MEPE: variants seen among roughly 807,000 people sequenced by gnomAD.
MEPE encodes the protein matrix, extracellular phosphoglycoprotein with ASARM motif (bone).
Under a neutral mutation model 7.3 loss-of-function variants are expected in MEPE, and 7 were observed. That is an observed-to-expected ratio of 0.95 (90% CI 0.54 to 1.79). The LOEUF is 1.79. MEPE is among the 40% of genes most tolerant of loss of function. The pLI is 0.00. For missense variants in MEPE, 623 were observed against 628.2 expected, an observed-to-expected ratio of 0.99 and a Z score of 0.09; for synonymous variants, 214 against 213.1, an observed-to-expected ratio of 1.00 and a Z score of -0.04.
In MEPE at chr4:87,845,133, T is replaced by A; in HGVS notation, c.265T>A (p.Tyr89Asn). Reference sequence around the variant, plus strand: ...TAAGGGAAGTAGTAAATCTCAAAATTATTTCACAAATAGACAGAGACTGAA... The same window carrying A: ...TAAGGGAAGTAGTAAATCTCAAAATAATTTCACAAATAGACAGAGACTGAA... ...ENKGSSKSQN[Y>N]FTNRQRLNKE... The change falls in exon 4 of 4, where the codon TAT (tyrosine) becomes AAT (asparagine). Residue 89 changes from tyrosine to asparagine, a missense_variant. Physicochemically the swap from Tyr to Asn is moderately radical, Grantham distance 143. Transcript: ENST00000361056. 1 of 1,613,712 alleles carries A rather than the reference T, an allele frequency of 6.2e-7. No homozygotes were observed. The highest frequency in any genetic ancestry group is 1.3e-5 in the African/African-American group (1 of 74,988).
intron 2 of MEPE, among the ~76,000 whole-genome samples, chr4:87,838,091 T>C (rs2110002182): frequency 6.6e-6 from 1 of 152,292 alleles, no homozygotes; most frequent in South Asian, 2.1e-4. Context: ...CAATAAGTTT[T>C]TGTCCTTAAT....
chr4:87,846,477 C>G lies in MEPE; in HGVS notation c.*31C>G, dbSNP rs1290390081. On this transcript the variant is annotated 3_prime_UTR_variant, in exon 4 of 4. Coordinates refer to ENST00000361056, the MANE Select transcript of MEPE (RefSeq NM_020203.6). ...CAGGAGTTCCCAGCGGGGTGACAGT[C>G]TGAAGACCTCGTCACCTGTGAGTTG... 5 of 1,587,084 alleles carry G rather than the reference C, an allele frequency of 3.2e-6. No individual in the cohort carries two copies. The highest frequency in any genetic ancestry group is 1.2e-5 in the South Asian group (1 of 85,840).
At chr4:87,825,736 T>C (rs187101712) in intron 1 of MEPE, among the ~76,000 whole-genome samples, 9 of 152,218 alleles carry the variant, frequency 5.9e-5, no homozygotes, top group African/African-American at 2.2e-4. Flanking sequence ...GCGCAGGATG[T>C]GCGGGTTTGT....
At chr4:87,838,508 A>G in intron 2 of MEPE, 124 bp from the exon 3 acceptor site, 2 of 792,554 alleles carry the variant, frequency 2.5e-6, no homozygotes, top group Non-Finnish European at 4.2e-6. Flanking sequence ...TCTTTTGGTT[A>G]GAATGATTTT....
At chr4:87,843,808 G>A (rs926637094) in intron 3 of MEPE, among the ~76,000 whole-genome samples, 1 of 152,110 alleles carries the variant, frequency 6.6e-6, no homozygotes, top group Non-Finnish European at 1.5e-5. Context: ...TGGCATCCAG[G>A]TGTGGCTTAC....
chr4:87,822,615 A>T (rs1485212439), intron 1 of MEPE, among the ~76,000 whole-genome samples: 1 of 152,230 alleles, frequency 6.6e-6, no homozygotes, highest in Non-Finnish European at 1.5e-5. Flanking sequence ...GACACTGAAC[A>T]GAGAGGCCAG....
chr4:87,835,872 C>T (rs965912351), intron 2 of MEPE, among the ~76,000 whole-genome samples: 1 of 152,162 alleles, frequency 6.6e-6, no homozygotes, highest in Non-Finnish European at 1.5e-5. Flanking sequence ...CAAGAAGCAG[C>T]TGGAGTGGGG....
Position 87,845,409 on chromosome 4 carries a change from C to T in MEPE, c.541C>T (p.Pro181Ser), listed in dbSNP as rs1424121609. Residue 181 changes from proline (P) to serine (S), a missense_variant, in exon 4 of 4, where the codon CCA becomes TCA. Physicochemically the swap from Pro to Ser is moderately conservative, Grantham distance 74. Coordinates refer to ENST00000361056, the MANE Select transcript of MEPE (RefSeq NM_020203.6). ...NTPRNVLNII[P>S]ASMNYAKAHS... is the part of the protein sequence containing the mutation. ...ACCTAGGAATGTTCTAAACATAATC[C>T]CAGCAAGTATGAATTATGCTAAAGC... The T allele has an allele frequency of 6.2e-7, 1 of 1,613,814 alleles. No individual in the cohort carries two copies.
chr4:87,839,072 A>G (rs764016148), intron 3 of MEPE, among the ~76,000 whole-genome samples: 46 of 152,212 alleles, frequency 3.0e-4, no homozygotes, highest in Non-Finnish European at 5.1e-4. Flanking sequence ...GTAAAGGGGA[A>G]GGTGGCTATC....
At chr4:87,828,464 T>G (rs931884634), upstream of MEPE, among the ~76,000 whole-genome samples, 3 of 152,050 alleles carry the variant, frequency 2.0e-5, no homozygotes, top group Non-Finnish European at 4.4e-5. Flanking sequence ...GGGACCATGA[T>G]AGCAGGGGAA....
Position 87,845,986 on chromosome 4 carries a change from A to T in MEPE, c.1118A>T (p.His373Leu), listed in dbSNP as rs1436587302. ...GCTCACCAAGGGAAGGTTGAGTTTC[A>T]TTACCCTCCTGCACCCTCAAAAGAG... is the stretch of plus-strand genomic sequence containing the variant. ...QNAHQGKVEFHYPPAPSKEKR... is the reference protein window; with the variant it reads ...QNAHQGKVEFLYPPAPSKEKR... Residue 373 changes from histidine (H) to leucine (L), a missense_variant, in exon 4 of 4, where the codon CAT becomes CTT. Transcript: ENST00000361056. The T allele has an allele frequency of 6.2e-7, 1 of 1,613,994 alleles. No homozygotes were observed. Among genetic ancestry groups the T allele is most frequent in the Admixed American group, 1.7e-5 (1 of 59,968 alleles).
upstream of MEPE, among the ~76,000 whole-genome samples, chr4:87,830,129 T>G (rs1722564121): frequency 6.6e-6 from 1 of 152,172 alleles, no homozygotes; most frequent in South Asian, 2.1e-4. Flanking sequence ...AAGTCAACAG[T>G]GGCCCCACCC....
chr4:87,846,198 G>T lies in MEPE; in HGVS notation c.1330G>T (p.Asp444Tyr). 1.9e-6 allele frequency: 3 copies of T among 1,613,998 alleles called. No homozygotes were observed. The highest frequency in any genetic ancestry group is 2.5e-6 in the Non-Finnish European group (3 of 1,179,970). The change falls in exon 4 of 4, where the codon GAT becomes TAT. Residue 444 changes from aspartate to tyrosine, a missense_variant. Asp to Tyr is a radical substitution (Grantham distance 160). Coordinates refer to ENST00000361056, the MANE Select transcript of MEPE (RefSeq NM_020203.6). ...CCTGCCCATTCCTTCTCGTGGTCTT[G>T]ATAATGAAATCAAAAACGAAATGGA... ...QGLPIPSRGL[D>Y]NEIKNEMDSF...
Position 87,845,743 on chromosome 4 carries a change from A to C in MEPE, c.875A>C (p.Glu292Ala). The C allele has an allele frequency of 6.2e-7, 1 of 1,613,996 alleles. No individual in the cohort carries two copies. The highest frequency in any genetic ancestry group is 8.5e-7 in the Non-Finnish European group (1 of 1,179,936). The change falls in exon 4 of 4, where the codon GAG becomes GCG. Residue 292 changes from glutamate (E) to alanine (A), a missense_variant. By Grantham distance (107) the Glu-to-Ala change is moderately radical. Transcript: ENST00000361056. The part of the protein sequence containing the change: ...QTGFAGPSEA[E>A]STHLDTKKPG... ...GGGTTTGCAGGCCCAAGTGAAGCTG[A>C]GAGTACTCATCTTGACACAAAAAAG...
At chr4:87,829,839 T>C (rs979336204), upstream of MEPE, among the ~76,000 whole-genome samples, 1 of 151,182 alleles carries the variant, frequency 6.6e-6, no homozygotes, top group Non-Finnish European at 1.5e-5. Context: ...ATTCCCTTGT[T>C]AGCTCCTTTC....
At chr4:87,823,043 C>T (rs554255844) in intron 1 of MEPE, among the ~76,000 whole-genome samples, 17 of 152,200 alleles carry the variant, frequency 1.1e-4, no homozygotes, top group African/African-American at 4.1e-4. Flanking sequence ...GTTTGGGAAG[C>T]ATTGAGTGTC....
upstream of MEPE, among the ~76,000 whole-genome samples, chr4:87,828,773 C>G (rs941365921): frequency 1.3e-5 from 2 of 152,170 alleles, no homozygotes; most frequent in Non-Finnish European, 2.9e-5. Flanking sequence ...AGGAGCAACT[C>G]TGTGTGTCAG....
intron 1 of MEPE, among the ~76,000 whole-genome samples, chr4:87,821,771 G>A (rs1209913127): frequency 1.3e-5 from 2 of 152,118 alleles, no homozygotes; most frequent in African/African-American, 2.4e-5. Flanking sequence ...GCCTGCAAGG[G>A]TGCTCCATAC....
intron 3 of MEPE, chr4:87,840,006 G>A (rs765768846): frequency 4.0e-5 from 62 of 1,535,222 alleles, no homozygotes; most frequent in Non-Finnish European, 4.9e-5. Context: ...CCCACATCTC[G>A]CTCTGCTTCA....
Sources: gnomAD v4.1 joint callset for allele counts (sites outside exome capture counted in the v4.1 genomes callset) on GRCh38, gnomAD v4.1.1 for gene constraint, MANE v1.5 for transcripts, NCBI Gene and HGNC (gene_info 2026-07-23, HGNC 2026-07-21) for gene names.